Variants in POU6F2 observed in about 807,000 individuals in gnomAD.
The protein encoded by POU6F2 is POU domain, class 6, transcription factor 2.
Under a neutral mutation model 71.3 loss-of-function variants are expected in POU6F2, and 31 were observed. That is an observed-to-expected ratio of 0.43 (90% CI 0.33 to 0.59). POU6F2 has a LOEUF of 0.59. POU6F2 is among the 20% of genes least tolerant of loss of function. The pLI is 0.04. For missense variants in POU6F2, 783 were observed against 856.8 expected (o/e 0.91, Z 1.07); for synonymous variants, 347 against 355.7 (o/e 0.98, Z 0.27).
At chr7:39,071,610 T>G (rs1184060271) in intron 1 of POU6F2, among the ~76,000 whole-genome samples, 1 of 149,490 alleles carries the variant, frequency 6.7e-6, no homozygotes, top group Non-Finnish European at 1.5e-5. Flanking sequence ...ACCCAGGAGT[T>G]CAAGACCAGC....
At chr7:39,208,123 T>C (rs1011549198) in intron 4 of POU6F2, among the ~76,000 whole-genome samples, 5 of 152,250 alleles carry the variant, frequency 3.3e-5, no homozygotes, top group African/African-American at 1.2e-4. Context: ...AAAATTGTGT[T>C]ATTTGAGCTC....
chr7:39,059,724 A>G (rs1422955898), intron 1 of POU6F2, among the ~76,000 whole-genome samples: 2 of 152,250 alleles, frequency 1.3e-5, no homozygotes, highest in Non-Finnish European at 2.9e-5. Flanking sequence ...AAAAACTTGT[A>G]TATAAATCTT....
intron 4 of POU6F2, among the ~76,000 whole-genome samples, chr7:39,283,108 A>G (rs1048467974): frequency 3.3e-5 from 5 of 152,136 alleles, no homozygotes; most frequent in Admixed American, 2.0e-4. Context: ...TAGAAATGCT[A>G]TGATTTTTGA....
chr7:39,185,636 A>G (rs1041614798), intron 2 of POU6F2, among the ~76,000 whole-genome samples: 3 of 151,968 alleles, frequency 2.0e-5, no homozygotes, highest in African/African-American at 7.3e-5. Flanking sequence ...CTTTCAGGTG[A>G]TCTCCTGAAA....
At chr7:39,272,243 C>G (rs1784352792) in intron 4 of POU6F2, among the ~76,000 whole-genome samples, 1 of 152,106 alleles carries the variant, frequency 6.6e-6, no homozygotes, top group African/African-American at 2.4e-5. Context: ...GTATTAAGAA[C>G]TAGTCGATTC....
intron 4 of POU6F2, among the ~76,000 whole-genome samples, chr7:39,259,228 A>G (rs772578052): frequency 6.6e-6 from 1 of 152,162 alleles, no homozygotes; most frequent in Non-Finnish European, 1.5e-5. Flanking sequence ...TTTGTTTTCC[A>G]GTTTCAATGT....
intron 4 of POU6F2, among the ~76,000 whole-genome samples, chr7:39,210,749 C>A (rs998080319): frequency 6.6e-6 from 1 of 152,110 alleles, no homozygotes; most frequent in African/African-American, 2.4e-5. Context: ...CCGAGATACC[C>A]AAGACTCTCG....
chr7:39,378,025 C>T (rs1390531734), intron 5 of POU6F2, among the ~76,000 whole-genome samples: 1 of 152,086 alleles, frequency 6.6e-6, no homozygotes, highest in Non-Finnish European at 1.5e-5. Context: ...GTATCTGCAT[C>T]CCTCAGAATA....
chr7:39,430,387 T>G (rs1419156013), intron 6 of POU6F2, among the ~76,000 whole-genome samples: 5 of 152,184 alleles, frequency 3.3e-5, no homozygotes. Context: ...CATTACAGAT[T>G]CCTCTGGCTC....
chr7:39,080,350 C>T (rs1791091814), intron 1 of POU6F2, among the ~76,000 whole-genome samples: 1 of 151,858 alleles, frequency 6.6e-6, no homozygotes, highest in Non-Finnish European at 1.5e-5. Context: ...CCTACCAACG[C>T]CTTGTTTCTT....
chr7:39,279,461 TG>T (rs1784520949), intron 4 of POU6F2, among the ~76,000 whole-genome samples: 1 of 152,234 alleles, frequency 6.6e-6, no homozygotes, highest in Non-Finnish European at 1.5e-5. Flanking sequence ...AATAATACAT[TG>T]TTTTCCTAGG....
intron 4 of POU6F2, among the ~76,000 whole-genome samples, chr7:39,315,497 C>A (rs1043117296): frequency 1.3e-5 from 2 of 152,184 alleles, no homozygotes; most frequent in Non-Finnish European, 2.9e-5. Context: ...GCCAGTAAAT[C>A]TGTATTGTTA....
intron 2 of POU6F2, among the ~76,000 whole-genome samples, chr7:39,095,531 T>C (rs1584539741): frequency 6.6e-6 from 1 of 152,180 alleles, no homozygotes; most frequent in Admixed American, 6.5e-5. Context: ...TTGTCATCTG[T>C]AGAGTATCAA....
intron 4 of POU6F2, among the ~76,000 whole-genome samples, chr7:39,297,190 T>TCACATACACACACACACAC (rs1554339589): frequency 8.5e-6 from 1 of 118,108 alleles, no homozygotes; most frequent in African/African-American, 3.0e-5. Context: ...CAAACACACA[T>TCACATACACACACACACAC]ACACATACAC....
intron 2 of POU6F2, among the ~76,000 whole-genome samples, chr7:39,141,296 C>A (rs547378249): frequency 1.8e-4 from 27 of 152,090 alleles, no homozygotes; most frequent in Non-Finnish European, 3.5e-4. Context: ...AGGAAAGCAT[C>A]TTGGTTGGGA....
chr7:39,413,359 C>T lies in POU6F2; in HGVS notation c.1113+6619C>T, dbSNP rs183591226. On this transcript the variant is annotated intron_variant, in intron 6 of 9. Transcript: ENST00000518318. ...GAAGCAAGATACGAAATAATATGTA[C>T]AGAATAATACCATTTTTAAATACAA... 2.2e-3 allele frequency among the ~76,000 whole-genome samples: 330 copies of T among 152,130 alleles called. 1 individual carries two copies. The highest frequency in any genetic ancestry group is 3.8e-3 in the Non-Finnish European group (257 of 68,006).
intron 2 of POU6F2, among the ~76,000 whole-genome samples, chr7:39,110,502 G>A (rs1791785974): frequency 6.6e-6 from 1 of 151,828 alleles, no homozygotes; most frequent in Non-Finnish European, 1.5e-5. Flanking sequence ...ATGTCACGTT[G>A]GTAGCTTGAA....
intron 2 of POU6F2, among the ~76,000 whole-genome samples, chr7:39,192,247 C>G (rs150911782): frequency 6.6e-6 from 1 of 152,166 alleles, no homozygotes; most frequent in South Asian, 2.1e-4. Context: ...CCTCCTTTCA[C>G]CAATTTTGAG....
At chr7:39,276,730 T>G (rs1784446728) in intron 4 of POU6F2, among the ~76,000 whole-genome samples, 1 of 151,962 alleles carries the variant, frequency 6.6e-6, no homozygotes, top group Non-Finnish European at 1.5e-5. Flanking sequence ...CCATAAAAAA[T>G]GATGAGTTCA....
Sources: gnomAD v4.1 joint callset for allele counts (sites outside exome capture counted in the v4.1 genomes callset) on GRCh38, gnomAD v4.1.1 for gene constraint, MANE v1.5 for transcripts, NCBI Gene and HGNC (gene_info 2026-07-23, HGNC 2026-07-21) for gene names.